Variants in GPC5 observed in about 807,000 individuals in gnomAD.
GPC5 encodes glypican-5.
In GPC5, 47 loss-of-function variants were observed where a neutral mutation model predicts 53.9. The ratio of observed to expected loss-of-function variants is 0.87; its 90% CI spans 0.69 to 1.11. The LOEUF is 1.11. Among genes scored for constraint, GPC5 ranks in the 50% most tolerant of loss-of-function variants. The pLI is 0.00. For synonymous variants in GPC5, 286 were observed against 263.3 expected, an observed-to-expected ratio of 1.09 and a Z score of -0.84; for missense variants, 748 against 713.1, an observed-to-expected ratio of 1.05 and a Z score of -0.56.
chr13:91,473,853 A>G (rs1420778996), intron 2 of GPC5, among the ~76,000 whole-genome samples: 2 of 152,174 alleles, frequency 1.3e-5, no homozygotes, highest in African/African-American at 2.4e-5. Context: ...ACTCTAAGCT[A>G]TCAATTTTAT....
At position 92,024,523 on chromosome 13, in the gene GPC5, T is replaced by G. The variant is rs569607495; in HGVS notation, c.1401+116466T>G. On this transcript the variant is annotated intron_variant, in intron 6 of 7. Coordinates refer to ENST00000377067, the MANE Select transcript of GPC5 (RefSeq NM_004466.6). ...ATCTGTAATAAACTTTCTTAACATG[T>G]AAAACTGTTTCTATTCTTATCTCAC... 5.3e-5 allele frequency among the ~76,000 whole-genome samples: 8 copies of G among 152,304 alleles called. No individual in the cohort carries two copies. In the East Asian group the frequency reaches 1.4e-3, roughly 26 times the overall value.
chr13:92,500,162 C>A (rs544910259), intron 7 of GPC5, among the ~76,000 whole-genome samples: 1 of 152,098 alleles, frequency 6.6e-6, no homozygotes, highest in Non-Finnish European at 1.5e-5. Context: ...GGCTTGAGAA[C>A]TGAGAAAATG....
At chr13:91,474,871 A>C (rs535324245) in intron 2 of GPC5, among the ~76,000 whole-genome samples, 57 of 152,234 alleles carry the variant, frequency 3.7e-4, no homozygotes, top group African/African-American at 1.4e-3. Flanking sequence ...CACTTATTGG[A>C]TATTTACTAT....
At chr13:92,816,044 C>CAAATTATATTTGG (rs1877461602) in intron 7 of GPC5, among the ~76,000 whole-genome samples, 1 of 151,616 alleles carries the variant, frequency 6.6e-6, no homozygotes, top group African/African-American at 2.4e-5. Context: ...AGTCATTTGC[C>CAAATTATATTTGG]CATGAAGGGT....
chr13:91,646,413 A>G (rs2034557931), intron 2 of GPC5, among the ~76,000 whole-genome samples: 2 of 152,014 alleles, frequency 1.3e-5, no homozygotes, highest in African/African-American at 4.8e-5. Context: ...TATGGTTATC[A>G]GTATAATTTA....
chr13:92,272,773 A>C (rs969435566), intron 7 of GPC5, among the ~76,000 whole-genome samples: 12 of 152,186 alleles, frequency 7.9e-5, no homozygotes, highest in Non-Finnish European at 1.5e-4. Flanking sequence ...ATTACAGAAC[A>C]AAGTGGAATA....
At chr13:92,471,068 G>T (rs1245232948) in intron 7 of GPC5, among the ~76,000 whole-genome samples, 1 of 152,084 alleles carries the variant, frequency 6.6e-6, no homozygotes, top group Non-Finnish European at 1.5e-5. Flanking sequence ...ATGCAGCTGG[G>T]AGGGCAGCCG....
At chr13:92,026,196 G>C (rs1437950867) in intron 6 of GPC5, among the ~76,000 whole-genome samples, 1 of 151,766 alleles carries the variant, frequency 6.6e-6, no homozygotes, top group Admixed American at 6.6e-5. Context: ...ATTATTGTGG[G>C]AACAAAAATT....
intron 7 of GPC5, among the ~76,000 whole-genome samples, chr13:92,544,385 T>G (rs1419237199): frequency 6.6e-6 from 1 of 152,202 alleles, no homozygotes; most frequent in African/African-American, 2.4e-5. Flanking sequence ...TGGGGAATTG[T>G]CTCATAAAAA....
At chr13:92,796,714 A>G (rs2138782038) in intron 7 of GPC5, among the ~76,000 whole-genome samples, 1 of 152,018 alleles carries the variant, frequency 6.6e-6, no homozygotes, top group East Asian at 1.9e-4. Flanking sequence ...TACCCTTTTT[A>G]TGATTGCCCT....
intron 1 of GPC5, among the ~76,000 whole-genome samples, chr13:91,441,051 G>C (rs1035184576): frequency 6.6e-6 from 1 of 152,072 alleles, no homozygotes; most frequent in Non-Finnish European, 1.5e-5. Context: ...CACTTTGTAC[G>C]TGGAATATCC....
At position 92,246,249 on chromosome 13, in the gene GPC5, A is replaced by G. The variant is rs1204503179; in HGVS notation, c.1561+101260A>G. On this transcript the variant is annotated intron_variant, in intron 7 of 7. Coordinates refer to ENST00000377067, the MANE Select transcript of GPC5 (RefSeq NM_004466.6). ...ACCTTTGTGTTTGATCTTTATATCC[A>G]TTGGTGTGTTGGTTAGAGAGCTCTG... 2.6e-5 allele frequency among the ~76,000 whole-genome samples: 4 copies of G among 152,238 alleles called. No homozygotes were observed. In the South Asian group the frequency reaches 6.2e-4, roughly 24 times the overall value.
intron 5 of GPC5, among the ~76,000 whole-genome samples, chr13:91,765,449 T>G (rs2037503830): frequency 6.6e-6 from 1 of 152,232 alleles, no homozygotes; most frequent in Non-Finnish European, 1.5e-5. Context: ...CCCTTGTTCT[T>G]GGCTGAAATG....
At chr13:92,058,753 A>C (rs2138849499) in intron 6 of GPC5, among the ~76,000 whole-genome samples, 1 of 152,198 alleles carries the variant, frequency 6.6e-6, no homozygotes, top group Middle Eastern at 3.4e-3. Flanking sequence ...CAGGTTGCCC[A>C]AGCTGGTCTT....
chr13:91,449,579 A>C (rs140196772), intron 2 of GPC5, among the ~76,000 whole-genome samples: 228 of 152,188 alleles, frequency 1.5e-3, no homozygotes, highest in Admixed American at 3.4e-3. Context: ...CCTTGCTCTA[A>C]TCTCATATGG....
intron 7 of GPC5, among the ~76,000 whole-genome samples, chr13:92,347,060 G>T (rs1401530283): frequency 6.6e-6 from 1 of 151,970 alleles, no homozygotes; most frequent in Admixed American, 6.6e-5. Context: ...ACCATGAAGA[G>T]ACCAAACTTA....
At chr13:91,509,630 GA>G (rs1209514279) in intron 2 of GPC5, among the ~76,000 whole-genome samples, 3 of 151,806 alleles carry the variant, frequency 2.0e-5, no homozygotes, top group African/African-American at 7.2e-5. Flanking sequence ...ATGCTCAAAA[GA>G]GTTTTATATT....
At chr13:92,088,081 T>C (rs2041350071) in intron 6 of GPC5, among the ~76,000 whole-genome samples, 1 of 151,924 alleles carries the variant, frequency 6.6e-6, no homozygotes, top group Non-Finnish European at 1.5e-5. Context: ...CCAACTACAA[T>C]CTTGCCGTCC....
intron 7 of GPC5, among the ~76,000 whole-genome samples, chr13:92,355,547 A>G (rs956492098): frequency 4.6e-5 from 7 of 152,016 alleles, no homozygotes; most frequent in East Asian, 1.9e-4. Context: ...AGTGATCCCC[A>G]TGCTCCCTGT....
Sources: gnomAD v4.1 joint callset for allele counts (sites outside exome capture counted in the v4.1 genomes callset) on GRCh38, gnomAD v4.1.1 for gene constraint, MANE v1.5 for transcripts, NCBI Gene and HGNC (gene_info 2026-07-23, HGNC 2026-07-21) for gene names.